The following ADARB2 variants were observed in gnomAD, a reference collection of about 807,000 sequenced individuals.
The protein encoded by ADARB2 is adenosine deaminase RNA specific B2 (inactive).
A neutral mutation model predicts 62.2 loss-of-function variants in ADARB2; 25 were observed. The ratio of observed to expected loss-of-function variants is 0.40; its 90% CI spans 0.29 to 0.56. ADARB2 has a LOEUF of 0.56. Ranked by LOEUF, ADARB2 falls within the 20% of genes least tolerant of loss-of-function variation. The probability of loss-of-function intolerance (pLI) is 0.43; values close to 1 mark genes in which losing one functional copy is unlikely to be tolerated. For synonymous variants in ADARB2, 572 were observed against 500.8 expected (o/e 1.14, Z -1.90); for missense variants, 1,071 against 1,077.4 (o/e 0.99, Z 0.08).
At position 1,464,217 on chromosome 10, in the gene ADARB2, G is replaced by A. The variant is rs543991272; in HGVS notation, c.101-85057C>T. Among the ~76,000 whole-genome samples, 12 of 128,096 alleles carry A rather than the reference G, an allele frequency of 9.4e-5. No individual in the cohort carries two copies. The East Asian group carries it at 9.8e-4, about 10-fold the overall frequency. The allele number at this position is 128,096 out of a possible 152,430, so 84.0% of individuals were successfully genotyped here. A position where few individuals can be genotyped will look rare whatever the true frequency, so the allele number is the denominator to read the frequency against. ...GGTGGACACACACTCCCCCACACAC[G>A]CGCTGGGGACAGTCACAGCGGGCAG... is the stretch of plus-strand genomic sequence containing the variant. On this transcript the variant is annotated intron_variant, in intron 1 of 9. Coordinates refer to ENST00000381312, the MANE Select transcript of ADARB2 (RefSeq NM_018702.4).
At chr10:1,258,604 T>C (rs58583630) in intron 4 of ADARB2, among the ~76,000 whole-genome samples, 2 of 152,076 alleles carry the variant, frequency 1.3e-5, no homozygotes, top group Non-Finnish European at 2.9e-5. Flanking sequence ...AACTAACTAT[T>C]CTAAATATAT....
At chr10:1,523,491 A>G (rs1283610482) in intron 1 of ADARB2, among the ~76,000 whole-genome samples, 1 of 152,184 alleles carries the variant, frequency 6.6e-6, no homozygotes, top group Non-Finnish European at 1.5e-5. Context: ...AGATTTGCTT[A>G]AAGAACCTGC....
chr10:1,566,126 T>G (rs1443010880), intron 1 of ADARB2, among the ~76,000 whole-genome samples: 4 of 146,994 alleles, frequency 2.7e-5, no homozygotes, highest in Admixed American at 6.7e-5. Context: ...CTGTGTACAG[T>G]GAGTGTGTGT....
chr10:1,399,014 C>T (rs1477226022), intron 1 of ADARB2, among the ~76,000 whole-genome samples: 5 of 152,064 alleles, frequency 3.3e-5, no homozygotes, highest in East Asian at 1.9e-4. Context: ...TTGGTATCAG[C>T]GGGGCCACGA....
intron 8 of ADARB2, among the ~76,000 whole-genome samples, chr10:1,194,502 CATCT>C (rs1490100667): frequency 3.4e-5 from 5 of 146,168 alleles, no homozygotes; most frequent in South Asian, 2.3e-4. Context: ...TATCATCTAT[CATCT>C]ATCTATTATC....
At chr10:1,410,641 G>A (rs1202899403) in intron 1 of ADARB2, among the ~76,000 whole-genome samples, 1 of 152,176 alleles carries the variant, frequency 6.6e-6, no homozygotes, top group Non-Finnish European at 1.5e-5. Context: ...TGTAGCATCT[G>A]CTCCAACTGC....
At chr10:1,403,794 A>G (rs1423454757) in intron 1 of ADARB2, among the ~76,000 whole-genome samples, 1 of 152,320 alleles carries the variant, frequency 6.6e-6, no homozygotes, top group East Asian at 1.9e-4. Context: ...CGTCCCTCCC[A>G]GTCTCCTGTT....
chr10:1,718,675 C>T (rs917946220), intron 1 of ADARB2, among the ~76,000 whole-genome samples: 21 of 152,192 alleles, frequency 1.4e-4, no homozygotes, highest in African/African-American at 4.8e-4. Flanking sequence ...CCAGGGTCTT[C>T]ACGGCTGCTT....
At chr10:1,383,599 G>A (rs1045464554) in intron 1 of ADARB2, among the ~76,000 whole-genome samples, 1 of 152,216 alleles carries the variant, frequency 6.6e-6, no homozygotes, top group Non-Finnish European at 1.5e-5. Flanking sequence ...TGAAGTATTA[G>A]GTGTTAGTGT....
chr10:1,215,652 A>G (rs1837223360), intron 7 of ADARB2: 1 of 152,276 alleles, frequency 6.6e-6, no homozygotes, highest in South Asian at 2.1e-4. Context: ...GCTGCAGATG[A>G]CAGAGGAACA....
intron 3 of ADARB2, among the ~76,000 whole-genome samples, chr10:1,277,620 C>G (rs543322990): frequency 5.9e-5 from 9 of 152,214 alleles, no homozygotes; most frequent in Admixed American, 5.9e-4. Context: ...TAATAGCTTA[C>G]CAACCAAAAA....
chr10:1,638,323 G>A (rs1399091290), intron 1 of ADARB2, among the ~76,000 whole-genome samples: 1 of 152,208 alleles, frequency 6.6e-6, no homozygotes, highest in Non-Finnish European at 1.5e-5. Context: ...GGGACAAGAA[G>A]TTAATTTAAA....
At chr10:1,471,623 C>G (rs1394419710) in intron 1 of ADARB2, among the ~76,000 whole-genome samples, 1 of 152,102 alleles carries the variant, frequency 6.6e-6, no homozygotes, top group Non-Finnish European at 1.5e-5. Flanking sequence ...GAACTCCTGA[C>G]CTCAGGTGAT....
rs555812632 is a variant in ADARB2 at position 1,493,729 on chromosome 10, C to CTTT, written c.101-114572_101-114570dup. Among the ~76,000 whole-genome samples the CTTT allele has an allele frequency of 5.3e-5, 3 of 56,812 alleles. 1 individual carries two copies. Among genetic ancestry groups the CTTT allele is most frequent in the African/African-American group, 1.6e-4 (2 of 12,296 alleles). 37.3% of individuals were successfully genotyped at this position (56,812 alleles called of 152,430 possible). A position where few individuals can be genotyped will look rare whatever the true frequency, so the allele number is the denominator to read the frequency against. On this transcript the variant is annotated intron_variant, in intron 1 of 9. Transcript: ENST00000381312. ...TCTAGGCACAGCATAATATGGCATTCTTTTTTTTTTTTTTTTTTTTTTTTT... is the reference window on the plus strand; with the variant it reads ...TCTAGGCACAGCATAATATGGCATTCTTTTTTTTTTTTTTTTTTTTTTTTTTTT...
At chr10:1,508,309 T>A (rs1369139557) in intron 1 of ADARB2, among the ~76,000 whole-genome samples, 1 of 152,208 alleles carries the variant, frequency 6.6e-6, no homozygotes, top group Admixed American at 6.5e-5. Context: ...ACACACGCTA[T>A]GGTCAGAGGC....
intron 1 of ADARB2, among the ~76,000 whole-genome samples, chr10:1,732,136 TA>T (rs1297192722): frequency 1.3e-5 from 2 of 152,024 alleles, no homozygotes; most frequent in East Asian, 3.8e-4. Flanking sequence ...GTAGGGGGTA[TA>T]AAAATTGCTC....
chr10:1,236,981 T>C (rs368668487), intron 5 of ADARB2, among the ~76,000 whole-genome samples: 2 of 14,020 alleles, frequency 1.4e-4, no homozygotes, highest in Non-Finnish European at 1.4e-4. Context: ...TCCCGGTGTT[T>C]ACTCCCCTCT....
chr10:1,717,052 G>A (rs1024720313), intron 1 of ADARB2, among the ~76,000 whole-genome samples: 1 of 61,934 alleles, frequency 1.6e-5, no homozygotes, highest in African/African-American at 3.6e-5. Context: ...CTGATCACAA[G>A]TTATTCTGAT....
chr10:1,450,197 T>C (rs575818687), intron 1 of ADARB2, among the ~76,000 whole-genome samples: 2 of 152,206 alleles, frequency 1.3e-5, no homozygotes, highest in African/African-American at 4.8e-5. Context: ...ATAGCCCTGG[T>C]CCTCAGTTAC....
Sources: allele counts gnomAD v4.1 joint callset (sites outside exome capture counted in the v4.1 genomes callset), GRCh38; gene constraint gnomAD v4.1.1; transcripts MANE v1.5; gene names NCBI Gene and HGNC (gene_info 2026-07-23, HGNC 2026-07-21).